Variants in PHF19 observed in about 807,000 individuals in gnomAD.
PHF19 encodes PHD finger protein 19.
PHF19 carries 21 observed loss-of-function variants against 79.8 expected under a neutral mutation model. The observed-to-expected ratio is 0.26, with a 90% confidence interval of 0.19 to 0.38. The LOEUF (loss-of-function observed/expected upper bound fraction) is 0.38, where lower values mean the gene tolerates loss of function less well. Among genes scored for constraint, PHF19 ranks in the 10% least tolerant of loss-of-function variants. The pLI, the probability that PHF19 is intolerant of heterozygous loss-of-function variation, is 1.00. For missense variants in PHF19, 445 were observed against 744.2 expected (o/e 0.60, Z 4.68); for synonymous variants, 273 against 296.3 (o/e 0.92, Z 0.81).
At chr9:120,868,797 A>C (rs1490646495) in intron 6 of PHF19, 3 of 990,316 alleles carry the variant, frequency 3.0e-6, no homozygotes. Flanking sequence ...GTGCTTCTCG[A>C]CCTGCCTCAC....
chr9:120,889,562 G>A (rs945164708), intron 1 of PHF19, among the ~76,000 whole-genome samples: 2 of 151,668 alleles, frequency 1.3e-5, no homozygotes, highest in South Asian at 2.1e-4. Context: ...GCCACATGGC[G>A]AAACCCTGCC....
At chr9:120,894,780 G>C in intron 1 of PHF19, 1 of 1,226,512 alleles carries the variant, frequency 8.2e-7, no homozygotes, top group Non-Finnish European at 1.0e-6. Context: ...TCGATCTCCC[G>C]GACCCACCTG....
At chr9:120,859,228 G>A (rs933515961) in intron 14 of PHF19, among the ~76,000 whole-genome samples, 5 of 128,722 alleles carry the variant, frequency 3.9e-5, no homozygotes, top group Non-Finnish European at 6.6e-5. Context: ...TTATACCATT[G>A]TCCTTTTTTT....
intron 1 of PHF19, among the ~76,000 whole-genome samples, chr9:120,890,705 G>A (rs915390374): frequency 3.9e-5 from 6 of 152,116 alleles, no homozygotes; most frequent in East Asian, 3.9e-4. Context: ...AACCGAAGCC[G>A]CTCATCAGAA....
At chr9:120,903,042 C>T in the PHF19 span, 1 of 152,238 alleles carries the variant, frequency 6.6e-6, no homozygotes, top group African/African-American at 2.4e-5. Context: ...GGGCTCAACA[C>T]TCGGTGAGTA....
chr9:120,896,671 T>G (rs545209514), upstream of PHF19, among the ~76,000 whole-genome samples: 25 of 152,002 alleles, frequency 1.6e-4, no homozygotes, highest in Non-Finnish European at 3.1e-4. Flanking sequence ...GCCAGGATGG[T>G]CTCGATCTCC....
At chr9:120,877,838 AAAGAG>A (rs1200042511), upstream of PHF19, among the ~76,000 whole-genome samples, 1 of 152,354 alleles carries the variant, frequency 6.6e-6, no homozygotes, top group East Asian at 1.9e-4. Context: ...AACACACCAC[AAAGAG>A]AAGTACTGTA....
chr9:120,895,396 G>A (rs1295595182), upstream of PHF19, among the ~76,000 whole-genome samples: 7 of 150,366 alleles, frequency 4.7e-5, no homozygotes, highest in Non-Finnish European at 5.9e-5. Context: ...ACCAGCCTGC[G>A]CAACATAGCA....
chr9:120,868,773 C>A, intron 6 of PHF19: 1 of 955,952 alleles, frequency 1.0e-6, no homozygotes, highest in Non-Finnish European at 1.3e-6. Context: ...CTCCCCACCC[C>A]GCCCCTCCAC....
At chr9:120,868,112 C>A (rs1002455338) in intron 6 of PHF19, 2 of 152,178 alleles carry the variant, frequency 1.3e-5, no homozygotes, top group African/African-American at 2.4e-5. Flanking sequence ...TGCTTTGTCG[C>A]CCAGGCTGGA....
In PHF19 at chr9:120,869,824, T is replaced by C; in HGVS notation, c.465+21A>G. 1 of 1,612,904 alleles carries C rather than the reference T, an allele frequency of 6.2e-7. No homozygotes were observed. The highest frequency in any genetic ancestry group is 1.1e-5 in the South Asian group (1 of 90,750). ...TGGAGGAGGCAGGAGAGGCAGGGACTGGGGAGGATGGAAGGCTCACCCGCA... is the reference window on the plus strand; with the variant it reads ...TGGAGGAGGCAGGAGAGGCAGGGACCGGGGAGGATGGAAGGCTCACCCGCA... On this transcript the variant is annotated intron_variant, in intron 5 of 14. Coordinates refer to ENST00000373896, the MANE Select transcript of PHF19 (RefSeq NM_015651.3). The surrounding 1 kb of genome is among the most constrained non-coding windows in gnomAD (Gnocchi z 5.8).
Position 120,856,334 on chromosome 9 carries a change from G to A in PHF19, c.*1610C>T, listed in dbSNP as rs2045360185. On this transcript the variant is annotated 3_prime_UTR_variant, in exon 15 of 15. Coordinates refer to ENST00000373896, the MANE Select transcript of PHF19 (RefSeq NM_015651.3). ...CCCCCTGAACGCTCACAGGTAGAGA[G>A]GGGTCAGGCCTAGCAATGGAAAAAC... The A allele has an allele frequency of 6.6e-6, 1 of 152,662 alleles. No homozygotes were observed. The highest frequency in any genetic ancestry group is 2.4e-5 in the African/African-American group (1 of 41,438). The allele number at this position is 152,662 out of a possible 1,614,324, so 9.5% of individuals were successfully genotyped here.
Position 120,870,768 on chromosome 9 carries a change from A to AG in PHF19, c.269-231dup, listed in dbSNP as rs1588114193. Among the ~76,000 whole-genome samples the AG allele has an allele frequency of 6.6e-6, 1 of 152,262 alleles. No homozygotes were observed. The highest frequency in any genetic ancestry group is 6.5e-5 in the Admixed American group (1 of 15,296). ...CCCTTGCTTAGCTAGTAAGTAGGTG[A>AG]GGGGGGGATTAAACCCATGGCTGTT... On this transcript the variant is annotated intron_variant, in intron 3 of 14. Coordinates refer to ENST00000373896, the MANE Select transcript of PHF19 (RefSeq NM_015651.3). This position sits in a 1 kb window ranked among gnomAD's most constrained non-coding sequence, Gnocchi z 4.4.
chr9:120,877,299 GCC>G, upstream of PHF19: 1 of 968,070 alleles, frequency 1.0e-6, no homozygotes, highest in South Asian at 4.6e-5. Context: ...TCAGGAAGGG[GCC>G]CCCCGGGCGC....
chr9:120,892,591 G>A (rs1039896040), intron 1 of PHF19, among the ~76,000 whole-genome samples: 9 of 152,126 alleles, frequency 5.9e-5, no homozygotes, highest in African/African-American at 1.9e-4. Flanking sequence ...AAGGTCAGAG[G>A]GCAATTTGTG....
In PHF19 at chr9:120,860,885, C is replaced by T; in HGVS notation, c.1304+204G>A. ...AAACAGCATGGTGAGTGTGGATAAC[C>T]ATGGGGCAAGGTGGGGAGGGCTGGA... On this transcript the variant is annotated intron_variant, in intron 13 of 14. Transcript: ENST00000373896. The surrounding 1 kb of genome is among the most constrained non-coding windows in gnomAD (Gnocchi z 4.1). The T allele has an allele frequency of 1.8e-6, 1 of 547,806 alleles. No homozygotes were observed. Among genetic ancestry groups the T allele is most frequent in the Non-Finnish European group, 3.3e-6 (1 of 301,068 alleles). The allele number at this position is 547,806 out of a possible 1,614,324, so 33.9% of individuals were successfully genotyped here. A position where few individuals can be genotyped will look rare whatever the true frequency, so the allele number is the denominator to read the frequency against.
upstream of PHF19, among the ~76,000 whole-genome samples, chr9:120,880,713 G>A (rs1349483488): frequency 6.6e-6 from 1 of 152,114 alleles, no homozygotes; most frequent in Admixed American, 6.5e-5. Context: ...GTATTCCAGC[G>A]CTTTGGGAGG....
At chr9:120,894,306 G>A (rs2046377220) in intron 1 of PHF19, among the ~76,000 whole-genome samples, 2 of 152,242 alleles carry the variant, frequency 1.3e-5, no homozygotes, top group Non-Finnish European at 2.9e-5. Flanking sequence ...CAGCAGAAAG[G>A]AGAAACAGGA....
intron 3 of PHF19, among the ~76,000 whole-genome samples, chr9:120,872,668 CT>C (rs1030354630): frequency 6.7e-6 from 1 of 150,236 alleles, no homozygotes; most frequent in African/African-American, 2.4e-5. Flanking sequence ...GTAACAAATT[CT>C]TTTTTTTTCT....
Sources: gnomAD v4.1 joint callset for allele counts (sites outside exome capture counted in the v4.1 genomes callset) on GRCh38, gnomAD v4.1.1 for gene constraint, Gnocchi (gnomAD v3.1) non-coding constraint, MANE v1.5 for transcripts, NCBI Gene and HGNC (gene_info 2026-07-23, HGNC 2026-07-21) for gene names.